The following DYDC1 variants were observed in gnomAD, a reference collection of about 807,000 sequenced individuals.
The protein encoded by DYDC1 is DPY30 domain containing 1, also known as DPY30 domain-containing protein 1.
A neutral mutation model predicts 27.9 loss-of-function variants in DYDC1; 21 were observed. That is an observed-to-expected ratio of 0.75 (90% confidence interval 0.53 to 1.08). The LOEUF (loss-of-function observed/expected upper bound fraction) is 1.08. DYDC1 is among the 50% of genes least tolerant of loss of function. The pLI, the probability that DYDC1 is intolerant of heterozygous loss-of-function variation, is 0.00. For synonymous variants in DYDC1, 67 were observed against 65.8 expected, an observed-to-expected ratio of 1.02 and a Z score of -0.09; for missense variants, 202 against 205.9, an observed-to-expected ratio of 0.98 and a Z score of 0.12.
chr10:80,346,490 T>G (rs1842647221), intron 3 of DYDC1, among the ~76,000 whole-genome samples: 1 of 134,888 alleles, frequency 7.4e-6, no homozygotes, highest in African/African-American at 2.7e-5. Context: ...AGACGGAGTC[T>G]CACTCTGTCA....
At chr10:80,353,169 A>G (rs891441285) in intron 1 of DYDC1, among the ~76,000 whole-genome samples, 2 of 152,140 alleles carry the variant, frequency 1.3e-5, no homozygotes, top group South Asian at 4.1e-4. Context: ...AAAATCCATA[A>G]ATTTCCAAGG....
rs115053567 is a variant in DYDC1 at position 80,349,647 on chromosome 10, T to C, written c.249+2254A>G. Among the ~76,000 whole-genome samples the C allele has an allele frequency of 3.1e-3, 476 of 152,316 alleles. 3 individuals carry two copies. Among genetic ancestry groups the C allele is most frequent in the African/African-American group, 0.011 (455 of 41,574 alleles). ...AACAGTTTCAATCAACTTTCAGACATTGGTAGAGGAAGTTAAATAACTCCA... is the reference window on the plus strand; with the variant it reads ...AACAGTTTCAATCAACTTTCAGACACTGGTAGAGGAAGTTAAATAACTCCA... On this transcript the variant is annotated intron_variant, in intron 3 of 6. Transcript: ENST00000372202.
chr10:80,338,470 A>G lies in DYDC1; in HGVS notation c.501T>C (p.Ser167=). 1 of 1,612,742 alleles carries G rather than the reference A, an allele frequency of 6.2e-7. No individual in the cohort carries two copies. The highest frequency in any genetic ancestry group is 1.1e-5 in the South Asian group (1 of 90,750). ...CACAAAACACACTGATACTGACATC[A>G]GAAAACATTGGTTCATCAAGTTCTT... ...RVEELDEPMF[S]DIALNIDQDL The change falls in exon 6 of 7, where the codon TCT becomes TCC. Residue 167 remains serine (S), a synonymous_variant. Transcript: ENST00000372202.
At chr10:80,336,825 C>T (rs559865580) in intron 6 of DYDC1, among the ~76,000 whole-genome samples, 128 of 152,334 alleles carry the variant, frequency 8.4e-4, no homozygotes, top group Admixed American at 2.0e-3. Flanking sequence ...CACTCAGTTC[C>T]CTCCATCTCT....
chr10:80,341,014 T>C (rs1176300460), intron 4 of DYDC1, among the ~76,000 whole-genome samples: 2 of 152,200 alleles, frequency 1.3e-5, no homozygotes, highest in East Asian at 3.8e-4. Flanking sequence ...TTTTTAAATA[T>C]TGCTTTAATA....
Position 80,336,162 on chromosome 10 carries a change from A to G in DYDC1, c.528T>C (p.Asp176=). The part of the protein sequence containing the change: ...FSDIALNIDQ[D]L Reference sequence around the variant, plus strand: ...GCTCTTAGGTTGGTTGGTCCTACAAATCTTGATCAATGTTTAATGCAATCT... The same window carrying G: ...GCTCTTAGGTTGGTTGGTCCTACAAGTCTTGATCAATGTTTAATGCAATCT... The change falls in exon 7 of 7, where the codon GAT becomes GAC. Residue 176 remains aspartate (D), a synonymous_variant. Transcript: ENST00000372202. 1.3e-6 allele frequency: 2 copies of G among 1,554,780 alleles called. No individual in the cohort carries two copies. Among genetic ancestry groups the G allele is most frequent in the Non-Finnish European group, 1.8e-6 (2 of 1,140,526 alleles).
rs267602591 is a variant in DYDC1, at chr10:80,352,574, G to C, written c.28C>G (p.Leu10Val). 2.5e-6 allele frequency: 4 copies of C among 1,610,592 alleles called. No individual in the cohort carries two copies. Among genetic ancestry groups the C allele is most frequent in the Non-Finnish European group, 3.4e-6 (4 of 1,179,114 alleles). ...AGACCTTGAGTTAAACAGGCCCCAA[G>C]GTGCTTTTGAAGATATATTGACTCC... MESIYLQKH[L>V]GACLTQGLAE... is the part of the protein sequence containing the mutation. The change falls in exon 2 of 7, where the codon CTT becomes GTT. Residue 10 changes from leucine (L) to valine (V), a missense_variant. By Grantham distance (32) the Leu-to-Val change is conservative. Coordinates refer to ENST00000372202, the MANE Select transcript of DYDC1 (RefSeq NM_001269053.2).
chr10:80,338,492 T>G lies in DYDC1; in HGVS notation c.479A>C (p.Glu160Ala), dbSNP rs149717631. 151 of 1,613,354 alleles carry G rather than the reference T, an allele frequency of 9.4e-5. No individual in the cohort carries two copies. In the African/African-American group the frequency reaches 1.5e-3, roughly 16 times the overall value. ...ATCAGAAAACATTGGTTCATCAAGT[T>G]CTTCCACTCTGCTCAAGTTAGGTGC... ...YGAPNLSRVE[E>A]LDEPMFSDIA... The change falls in exon 6 of 7, where the codon GAA becomes GCA. Residue 160 changes from glutamate to alanine, a missense_variant. Transcript: ENST00000372202.
chr10:80,352,088 A>G (rs1048246498), intron 2 of DYDC1, 86 bp from the exon 3 acceptor site: 4 of 1,253,854 alleles, frequency 3.2e-6, no homozygotes, highest in Non-Finnish European at 4.6e-6. Flanking sequence ...TAATAGGAAC[A>G]ATTAGGGAAA....
In DYDC1 at chr10:80,352,463, C is replaced by T; in HGVS notation, c.139G>A (p.Glu47Lys). The part of the protein sequence containing the change: ...IYKYKENVTM[E>K]QLRQKEMAKL... ...AGGAGATTCCTACTTACCAGTTGTT[C>T]CATGGTCACATTTTCCTTATACTTG... The change falls in exon 2 of 7, where the codon GAA becomes AAA. Residue 47 changes from glutamate (E) to lysine (K), a missense_variant. Glu to Lys is a moderately conservative substitution (Grantham distance 56). Coordinates refer to ENST00000372202, the MANE Select transcript of DYDC1 (RefSeq NM_001269053.2). The T allele has an allele frequency of 1.2e-6, 2 of 1,600,988 alleles. No individual in the cohort carries two copies. Among genetic ancestry groups the T allele is most frequent in the Non-Finnish European group, 1.7e-6 (2 of 1,174,720 alleles).
At chr10:80,343,378 C>T (rs1842419582) in intron 3 of DYDC1, among the ~76,000 whole-genome samples, 1 of 152,134 alleles carries the variant, frequency 6.6e-6, no homozygotes, top group African/African-American at 2.4e-5. Flanking sequence ...TGCCTGGCTG[C>T]CCAGCACACT....
At chr10:80,338,682 T>C in intron 5 of DYDC1, 111 bp from the exon 6 acceptor site, 1 of 1,137,428 alleles carries the variant, frequency 8.8e-7, no homozygotes, top group Non-Finnish European at 1.2e-6. Context: ...AATTCAACAT[T>C]ATTAATTAGT....
chr10:80,354,506 A>AG (rs1843234777), intron 1 of DYDC1: 1 of 151,006 alleles, frequency 6.6e-6, no homozygotes, highest in African/African-American at 2.4e-5. Flanking sequence ...AAAAAAAAAA[A>AG]GAATACCTAT....
At chr10:80,350,609 A>T (rs1337564000) in intron 3 of DYDC1, among the ~76,000 whole-genome samples, 1 of 152,182 alleles carries the variant, frequency 6.6e-6, no homozygotes, top group Non-Finnish European at 1.5e-5. Context: ...GCAGTTTTCT[A>T]CCTCAATATC....
intron 3 of DYDC1, among the ~76,000 whole-genome samples, chr10:80,346,000 A>T (rs908097915): frequency 2.0e-5 from 3 of 152,058 alleles, no homozygotes; most frequent in African/African-American, 7.2e-5. Context: ...TGCCATCATC[A>T]TCATGCCTGG....
chr10:80,338,300 T>C (rs755692905), intron 6 of DYDC1, 167 bp downstream of exon 6: 3 of 1,349,908 alleles, frequency 2.2e-6, no homozygotes, highest in Non-Finnish European at 2.8e-6. Context: ...GAATGCCAAT[T>C]AGGAATATAA....
At chr10:80,353,505 A>G (rs763470114) in intron 1 of DYDC1, among the ~76,000 whole-genome samples, 4 of 151,536 alleles carry the variant, frequency 2.6e-5, no homozygotes, top group Non-Finnish European at 5.9e-5. Context: ...TGGAGCAACC[A>G]ATCTCTTTCA....
At chr10:80,353,383 C>T (rs539875652) in intron 1 of DYDC1, among the ~76,000 whole-genome samples, 2 of 151,410 alleles carry the variant, frequency 1.3e-5, no homozygotes, top group East Asian at 2.0e-4. Flanking sequence ...AGGATGGTCT[C>T]GATCTCCTGA....
chr10:80,350,551 A>T (rs557745081), intron 3 of DYDC1, among the ~76,000 whole-genome samples: 4 of 152,174 alleles, frequency 2.6e-5, no homozygotes, highest in Non-Finnish European at 5.9e-5. Context: ...GAAAATGAAG[A>T]CTCAGAAGGA....
Sources: gnomAD v4.1 joint callset for allele counts (sites outside exome capture counted in the v4.1 genomes callset) on GRCh38, gnomAD v4.1.1 for gene constraint, MANE v1.5 for transcripts, NCBI Gene and HGNC (gene_info 2026-07-23, HGNC 2026-07-21) for gene names.